DNA2: variants seen among roughly 807,000 people sequenced by gnomAD.
The protein encoded by DNA2 is DNA replication helicase/nuclease 2, also known as DNA replication ATP-dependent helicase/nuclease DNA2.
A neutral mutation model predicts 119.1 loss-of-function variants in DNA2; 101 were observed. The ratio of observed to expected loss-of-function variants is 0.85; its 90% CI spans 0.72 to 1.00. DNA2 has a LOEUF of 1.00. Ranked by LOEUF, DNA2 falls within the 50% of genes least tolerant of loss-of-function variation. The pLI is 0.00. For missense variants in DNA2, 1,121 were observed against 1,255.5 expected (o/e 0.89, Z 1.62); for synonymous variants, 366 against 424.4 (o/e 0.86, Z 1.69).
intron 14 of DNA2, among the ~76,000 whole-genome samples, chr10:68,423,908 A>C (rs2051700858): frequency 6.6e-6 from 1 of 152,246 alleles, no homozygotes; most frequent in African/African-American, 2.4e-5. Context: ...TGGCAGTGTG[A>C]GAGGAAGCCA....
chr10:68,431,874 C>G lies in DNA2; in HGVS notation c.1971G>C (p.Thr657=). The change falls in exon 13 of 21, where the codon ACG becomes ACC. Residue 657 remains threonine (T), a synonymous_variant. Coordinates refer to ENST00000358410, the MANE Select transcript of DNA2 (RefSeq NM_001080449.3). ...VGMPGTGKTT[T]ICTLVRILYA... Reference sequence around the variant, plus strand: ...ATAATAACCTTACGAGAGTACATATCGTAGTTGTTTTTCCTGTCCCAGGCA... The same window carrying G: ...ATAATAACCTTACGAGAGTACATATGGTAGTTGTTTTTCCTGTCCCAGGCA... 6.2e-7 allele frequency: 1 copy of G among 1,609,134 alleles called. No individual in the cohort carries two copies. The highest frequency in any genetic ancestry group is 8.5e-7 in the Non-Finnish European group (1 of 1,176,160).
chr10:68,453,288 T>C (rs2052143447), intron 5 of DNA2, among the ~76,000 whole-genome samples: 1 of 152,230 alleles, frequency 6.6e-6, no homozygotes, highest in Non-Finnish European at 1.5e-5. Flanking sequence ...AACCACCTTT[T>C]CTAAATGTGT....
intron 5 of DNA2, among the ~76,000 whole-genome samples, chr10:68,456,467 T>G (rs1051076376): frequency 6.6e-6 from 1 of 152,188 alleles, no homozygotes. Context: ...CAGGCTACAG[T>G]GCAGTGGCAC....
chr10:68,418,977 A>G, intron 19 of DNA2, 57 bp downstream of exon 19: 2 of 1,508,984 alleles, frequency 1.3e-6, no homozygotes, highest in Non-Finnish European at 8.9e-7. Flanking sequence ...CCGGCCCACA[A>G]TTTTTAAAGA....
At position 68,448,059 on chromosome 10, in the gene DNA2, CTA is replaced by C. The variant is rs201661182; in HGVS notation, c.940-1648_940-1647del. On this transcript the variant is annotated intron_variant, in intron 6 of 20. Transcript: ENST00000358410. Reference sequence around the variant, plus strand: ...AGTTTTACTTAGATAACCAAGAATTCTATAGAGAATTTTCTTAGAAAGCAAAT... The same window carrying C: ...AGTTTTACTTAGATAACCAAGAATTCTAGAGAATTTTCTTAGAAAGCAAAT... Among the ~76,000 whole-genome samples, 968 of 151,826 alleles carry C rather than the reference CTA, an allele frequency of 6.4e-3. 13 individuals carry two copies. The highest frequency in any genetic ancestry group is 0.022 in the African/African-American group (916 of 41,408).
intron 9 of DNA2, among the ~76,000 whole-genome samples, chr10:68,439,678 A>G: frequency 6.6e-6 from 1 of 152,000 alleles, no homozygotes. Flanking sequence ...TCTCTACTAA[A>G]AGTACAAAAT....
chr10:68,434,828 T>C (rs1035854240), intron 10 of DNA2, among the ~76,000 whole-genome samples: 4 of 152,096 alleles, frequency 2.6e-5, no homozygotes, highest in Non-Finnish European at 4.4e-5. Context: ...CAAGGGGTGG[T>C]TATGACTCAA....
At chr10:68,460,776 T>C (rs2052247412) in intron 4 of DNA2, among the ~76,000 whole-genome samples, 1 of 152,016 alleles carries the variant, frequency 6.6e-6, no homozygotes, top group Admixed American at 6.6e-5. Context: ...CCAAGCATGG[T>C]GGTGTGAAAC....
intron 18 of DNA2, 60 bp downstream of exon 18, chr10:68,419,743 A>G (rs1194942062): frequency 8.0e-7 from 1 of 1,249,810 alleles, no homozygotes; most frequent in African/African-American, 1.5e-5. Flanking sequence ...AGTGTCTTAC[A>G]GTCTAACATT....
intron 17 of DNA2, 48 bp from the exon 18 acceptor site, chr10:68,419,940 T>C (rs752922923): frequency 1.3e-6 from 2 of 1,495,168 alleles, no homozygotes; most frequent in Non-Finnish European, 1.9e-6. Flanking sequence ...CTCTAAAGAG[T>C]ACTATAAGTA....
chr10:68,456,916 C>T (rs1232422223), intron 5 of DNA2, among the ~76,000 whole-genome samples: 1 of 151,432 alleles, frequency 6.6e-6, no homozygotes, highest in Non-Finnish European at 1.5e-5. Flanking sequence ...GGGCGGATTA[C>T]AAGGTCAGGA....
At chr10:68,462,357 C>T (rs1377952781) in intron 4 of DNA2, among the ~76,000 whole-genome samples, 1 of 152,112 alleles carries the variant, frequency 6.6e-6, no homozygotes, top group African/African-American at 2.4e-5. Flanking sequence ...GGTGACAGAG[C>T]AAGACTGTCT....
chr10:68,424,564 A>G, intron 14 of DNA2: 1 of 921,272 alleles, frequency 1.1e-6, no homozygotes, highest in South Asian at 1.3e-5. Context: ...ATCACCATGA[A>G]GTTCAATCCC....
intron 5 of DNA2, among the ~76,000 whole-genome samples, chr10:68,454,126 A>G (rs947424298): frequency 2.6e-5 from 4 of 152,192 alleles, no homozygotes; most frequent in African/African-American, 9.6e-5. Flanking sequence ...CCAGGGTCCC[A>G]TGCTGCTTTT....
chr10:68,461,514 G>A (rs971660581), intron 4 of DNA2: 2 of 151,872 alleles, frequency 1.3e-5, no homozygotes, highest in Admixed American at 6.6e-5. Context: ...GGAATATTGG[G>A]TGCTGTAGCT....
intron 5 of DNA2, 96 bp downstream of exon 5, chr10:68,459,008 A>C: frequency 8.9e-7 from 1 of 1,121,668 alleles, no homozygotes. Flanking sequence ...GCTAATTGTA[A>C]TTACTCAATC....
At chr10:68,431,822 A>G in intron 13 of DNA2, 40 bp downstream of exon 13, 1 of 1,361,068 alleles carries the variant, frequency 7.3e-7, no homozygotes, top group Middle Eastern at 1.8e-4. Context: ...AGAAGCTGAT[A>G]CAAATATTTT....
In DNA2 at chr10:68,468,168, A is replaced by G; in HGVS notation, c.396T>C (p.Ser132=). 2 of 1,610,318 alleles carry G rather than the reference A, an allele frequency of 1.2e-6. No individual in the cohort carries two copies. The highest frequency in any genetic ancestry group is 1.7e-5 in the Admixed American group (1 of 59,370). The change falls in exon 3 of 21, where the codon AGT becomes AGC. Residue 132 remains serine, a synonymous_variant. Coordinates refer to ENST00000358410, the MANE Select transcript of DNA2 (RefSeq NM_001080449.3). ...DMLISGTSIA[S]SIRCMRRAVL... is the part of the protein sequence containing the mutation. ...CAGCTCTTCTCATACATCGAATACT[A>G]CTGGCTATGCTGGTGCCAGAAATCA...
chr10:68,439,872 G>A (rs995214241), intron 9 of DNA2, among the ~76,000 whole-genome samples: 37 of 151,724 alleles, frequency 2.4e-4, no homozygotes, highest in African/African-American at 8.7e-4. Context: ...GAGCATGGTG[G>A]CACGCACCTG....
Sources: gnomAD v4.1 joint callset for allele counts (sites outside exome capture counted in the v4.1 genomes callset) on GRCh38, gnomAD v4.1.1 for gene constraint, MANE v1.5 for transcripts, NCBI Gene and HGNC (gene_info 2026-07-23, HGNC 2026-07-21) for gene names.